SLC12A3: variants seen among roughly 807,000 people sequenced by gnomAD.
SLC12A3 encodes solute carrier family 12 member 3, also known as Na-Cl cotransporter.
SLC12A3 carries 104 observed loss-of-function variants against 121.0 expected under a neutral mutation model. The ratio of observed to expected loss-of-function variants is 0.86; its 90% CI spans 0.73 to 1.01. The LOEUF (loss-of-function observed/expected upper bound fraction) is 1.01. SLC12A3 is among the 50% of genes least tolerant of loss of function. SLC12A3 has a pLI of 0.00. For synonymous variants in SLC12A3, 536 were observed against 533.4 expected, an observed-to-expected ratio of 1.00 and a Z score of -0.07; for missense variants, 1,328 against 1,356.3, an observed-to-expected ratio of 0.98 and a Z score of 0.33.
chr16:56,908,301 G>T (rs1276972880), intron 25 of SLC12A3, among the ~76,000 whole-genome samples: 2 of 150,772 alleles, frequency 1.3e-5, no homozygotes, highest in East Asian at 3.9e-4. Context: ...TCACCACCTC[G>T]CCCGGCTAAT....
rs1303756693 is a variant in SLC12A3 at position 56,872,479 on chromosome 16, G to T, written c.964+17G>T. The T allele has an allele frequency of 6.2e-7, 1 of 1,604,330 alleles. No individual in the cohort carries two copies. Among genetic ancestry groups the T allele is most frequent in the African/African-American group, 1.3e-5 (1 of 74,740 alleles). On this transcript the variant is annotated intron_variant, in intron 7 of 25. Transcript: ENST00000563236. ...GCTACCGGGGTATGTGCTGATCAAG[G>T]CCCTGACCATGGCTCTGGGGACAGG...
intron 18 of SLC12A3, among the ~76,000 whole-genome samples, chr16:56,888,610 G>A (rs2055350023): frequency 7.3e-6 from 1 of 136,540 alleles, no homozygotes; most frequent in Admixed American, 8.2e-5. Flanking sequence ...CCAGGCTGGA[G>A]TGCAGTGGCG....
chr16:56,905,536 T>C (rs1261245159), intron 25 of SLC12A3, among the ~76,000 whole-genome samples: 1 of 152,024 alleles, frequency 6.6e-6, no homozygotes, highest in African/African-American at 2.4e-5. Flanking sequence ...CCTGTCACCA[T>C]CTGACCTGGA....
intron 22 of SLC12A3, among the ~76,000 whole-genome samples, chr16:56,896,495 G>A (rs1386463199): frequency 6.6e-6 from 1 of 152,188 alleles, no homozygotes; most frequent in African/African-American, 2.4e-5. Flanking sequence ...TATAGATCTT[G>A]GCACTCTGGC....
Position 56,887,909 on chromosome 16 carries a change from C to G in SLC12A3, c.2179-16C>G. 6.2e-7 allele frequency: 1 copy of G among 1,604,840 alleles called. No individual in the cohort carries two copies. Among genetic ancestry groups the G allele is most frequent in the South Asian group, 1.1e-5 (1 of 90,902 alleles). On this transcript the variant is annotated splice_polypyrimidine_tract_variant and intron_variant, in intron 17 of 25. Transcript: ENST00000563236. ...CCCTCTGATGGGTTCCCCATCTCAC[C>G]CCTATCCCCTGGCAGGCCGCAGGTC...
At chr16:56,909,084 C>T (rs1213618268) in intron 25 of SLC12A3, among the ~76,000 whole-genome samples, 1 of 152,198 alleles carries the variant, frequency 6.6e-6, no homozygotes, top group African/African-American at 2.4e-5. Flanking sequence ...CTCTTTCATG[C>T]TAACATGCTG....
rs1340327219 is a variant in SLC12A3, at chr16:56,865,280, G to A, written c.45G>A (p.Leu15=). 3 of 1,613,822 alleles carry A rather than the reference G, an allele frequency of 1.9e-6. No individual in the cohort carries two copies. The highest frequency in any genetic ancestry group is 1.3e-5 in the African/African-American group (1 of 74,942). ...PTTETPGDAT[L]CSGRFTISTL... is the part of the protein sequence containing the mutation. ...CAGAGACGCCTGGGGACGCCACTTT[G>A]TGCAGCGGGCGCTTCACCATCAGCA... The change falls in exon 1 of 26, where the codon TTG becomes TTA. Residue 15 remains leucine, a synonymous_variant. Coordinates refer to ENST00000563236, the MANE Select transcript of SLC12A3 (RefSeq NM_001126108.2).
At chr16:56,894,383 A>G in intron 21 of SLC12A3, 148 bp from the exon 22 acceptor site, 1 of 685,248 alleles carries the variant, frequency 1.5e-6, no homozygotes. Context: ...ACTTGAATTC[A>G]GTCAGCCATG....
intron 24 of SLC12A3, 23 bp downstream of exon 24, chr16:56,902,531 G>GTC: frequency 4.2e-6 from 3 of 714,568 alleles, no homozygotes; most frequent in Non-Finnish European, 7.2e-6. Flanking sequence ...GTGGGGGTGG[G>GTC]AAACGCGACA....
Position 56,865,257 on chromosome 16 carries a change from G to A in SLC12A3, c.22G>A (p.Glu8Lys), listed in dbSNP as rs1485826340. 4 of 1,613,682 alleles carry A rather than the reference G, an allele frequency of 2.5e-6. No homozygotes were observed. The highest frequency in any genetic ancestry group is 2.7e-5 in the African/African-American group (2 of 74,938). The change falls in exon 1 of 26, where the codon GAG (glutamate) becomes AAG (lysine). Residue 8 changes from glutamate (E) to lysine (K), a missense_variant. Transcript: ENST00000563236. MAELPTTETPGDATLCSG... is the reference protein window; with the variant it reads MAELPTTKTPGDATLCSG... ...GACAATGGCAGAACTGCCCACAACAGAGACGCCTGGGGACGCCACTTTGTG... is the reference window on the plus strand; with the variant it reads ...GACAATGGCAGAACTGCCCACAACAAAGACGCCTGGGGACGCCACTTTGTG...
intron 21 of SLC12A3, among the ~76,000 whole-genome samples, 158 bp from the exon 22 acceptor site, chr16:56,894,373 A>G (rs1001686152): frequency 9.9e-5 from 15 of 152,150 alleles, no homozygotes; most frequent in African/African-American, 3.4e-4. Context: ...ACCGTGTGCG[A>G]CTTGAATTCA....
At chr16:56,879,370 G>A in intron 10 of SLC12A3, 143 bp downstream of exon 10, 1 of 1,206,156 alleles carries the variant, frequency 8.3e-7, no homozygotes, top group Non-Finnish European at 1.2e-6. Context: ...TCAGAGCCCA[G>A]GTCTGTCCAG....
At chr16:56,894,421 T>C (rs549541760) in intron 21 of SLC12A3, 110 bp from the exon 22 acceptor site, 5 of 763,232 alleles carry the variant, frequency 6.6e-6, no homozygotes, top group African/African-American at 5.2e-5. Flanking sequence ...TCGACTGGGG[T>C]CCAGCGAGGA....
chr16:56,877,440 A>G (rs938853377), intron 8 of SLC12A3, among the ~76,000 whole-genome samples: 46 of 152,334 alleles, frequency 3.0e-4, no homozygotes, highest in African/African-American at 1.1e-3. Context: ...TAAAAAAGCA[A>G]GAAAATATGA....
intron 25 of SLC12A3, among the ~76,000 whole-genome samples, chr16:56,911,849 A>G (rs186710400): frequency 6.6e-5 from 10 of 152,346 alleles, no homozygotes; most frequent in African/African-American, 2.4e-4. Context: ...CTAAGTGGTG[A>G]TGACAGCTGC....
At chr16:56,904,262 G>T in intron 24 of SLC12A3, 133 bp from the exon 25 acceptor site, 1 of 884,300 alleles carries the variant, frequency 1.1e-6, no homozygotes, top group South Asian at 1.3e-5. Flanking sequence ...GACTCTATAA[G>T]AATTTATGAG....
Position 56,870,198 on chromosome 16 carries a change from C to G in SLC12A3, c.704C>G (p.Thr235Arg). Residue 235 changes from threonine (T) to arginine (R), a missense_variant, in exon 5 of 26, where the codon ACG (threonine) becomes AGG (arginine). Transcript: ENST00000563236. ...FANAVGVAMHTVGFAETVRDL... is the reference protein window; with the variant it reads ...FANAVGVAMHRVGFAETVRDL... ...AATGCCGTGGGTGTGGCCATGCACA[C>G]GGTGGGCTTTGCAGAGACCGTGCGG... 3 of 1,613,980 alleles carry G rather than the reference C, an allele frequency of 1.9e-6. No individual in the cohort carries two copies. The highest frequency in any genetic ancestry group is 2.5e-6 in the Non-Finnish European group (3 of 1,180,040).
chr16:56,913,291 G>A lies in SLC12A3; in HGVS notation c.2952G>A (p.Lys984=). 6.2e-7 allele frequency: 1 copy of A among 1,614,200 alleles called. No individual in the cohort carries two copies. The highest frequency in any genetic ancestry group is 1.1e-5 in the South Asian group (1 of 91,084). ...CTTTGCCCATAGGGAGGAAGGGGAA[G>A]TGCCCCAGCTCGCTGTACATGGCCT... ...VITLPIGRKG[K]CPSSLYMAWL... Residue 984 remains lysine, a synonymous_variant, in exon 26 of 26, where the codon AAG becomes AAA. Transcript: ENST00000563236.
chr16:56,903,378 G>A lies in SLC12A3; in HGVS notation c.2856+870G>A, dbSNP rs76819394. Among the ~76,000 whole-genome samples the A allele has an allele frequency of 7.1e-3, 1,079 of 152,250 alleles. 20 individuals carry two copies. The highest frequency in any genetic ancestry group is 0.025 in the African/African-American group (1,032 of 41,526). On this transcript the variant is annotated intron_variant, in intron 24 of 25. Transcript: ENST00000563236. The stretch of plus-strand genomic sequence containing the variant: ...GCGAGAGCGATGGGGGCAAGGGCCG[G>A]GTCCTACTTCTACCCCCAGTGTCAG...
Sources: gnomAD v4.1 joint callset for allele counts (sites outside exome capture counted in the v4.1 genomes callset) on GRCh38, gnomAD v4.1.1 for gene constraint, MANE v1.5 for transcripts, NCBI Gene and HGNC (gene_info 2026-07-23, HGNC 2026-07-21) for gene names.